RNF175: variants seen among roughly 807,000 people sequenced by gnomAD.
RNF175 encodes ring finger protein 175.
RNF175 carries 38 observed loss-of-function variants against 50.0 expected under a neutral mutation model. The observed-to-expected ratio is 0.76, with a 90% CI of 0.59 to 1.00. RNF175 has a LOEUF of 1.00. Among genes scored for constraint, RNF175 ranks in the 50% least tolerant of loss-of-function variants. The probability of loss-of-function intolerance (pLI) is 0.00; values close to 1 mark genes in which losing one functional copy is unlikely to be tolerated. For synonymous variants in RNF175, 155 were observed against 146.1 expected (o/e 1.06, Z -0.44); for missense variants, 388 against 409.6 (o/e 0.95, Z 0.46).
chr4:153,753,896 C>T lies in RNF175; in HGVS notation c.67-2421G>A, dbSNP rs529991441. Among the ~76,000 whole-genome samples, 529 of 150,444 alleles carry T rather than the reference C, an allele frequency of 3.5e-3. 4 individuals are homozygous for T. Among genetic ancestry groups the T allele is most frequent in the African/African-American group, 0.011 (465 of 41,108 alleles). On this transcript the variant is annotated intron_variant, in intron 1 of 8. Transcript: ENST00000347063. ...CTTAAGAAAATATTTTGAGGCTGGG[C>T]GTGGTGGCTCACACCTGTAATCCCA...
intron 3 of RNF175, among the ~76,000 whole-genome samples, chr4:153,742,681 T>G (rs1298843269): frequency 2.0e-5 from 3 of 152,174 alleles, no homozygotes; most frequent in African/African-American, 7.2e-5. Flanking sequence ...GCCAAGGTTT[T>G]TAATTTCTCT....
At chr4:153,730,854 T>C (rs1319871640) in intron 3 of RNF175, among the ~76,000 whole-genome samples, 1 of 152,234 alleles carries the variant, frequency 6.6e-6, no homozygotes, top group Non-Finnish European at 1.5e-5. Context: ...TATATTTTAA[T>C]AAAACCAGTT....
chr4:153,714,603 T>C (rs376755164), intron 7 of RNF175: 30 of 152,276 alleles, frequency 2.0e-4, no homozygotes, highest in African/African-American at 6.5e-4. Flanking sequence ...TACTATAAAA[T>C]AAAGATAAAT....
chr4:153,751,639 A>C (rs1398173160), intron 1 of RNF175, among the ~76,000 whole-genome samples, 164 bp from the exon 2 acceptor site: 1 of 152,266 alleles, frequency 6.6e-6, no homozygotes, highest in Non-Finnish European at 1.5e-5. Flanking sequence ...TTACAGAACT[A>C]AAACAACACA....
chr4:153,719,985 A>C (rs1255583503), intron 6 of RNF175, among the ~76,000 whole-genome samples, 199 bp downstream of exon 6: 1 of 152,252 alleles, frequency 6.6e-6, no homozygotes, highest in Admixed American at 6.5e-5. Context: ...GTATTTTCCA[A>C]TTAATTAACA....
intron 2 of RNF175, 83 bp downstream of exon 2, chr4:153,751,355 G>A: frequency 1.0e-6 from 1 of 996,714 alleles, no homozygotes; most frequent in Non-Finnish European, 1.5e-6. Context: ...CAAATAAAAT[G>A]ATGACTTCAT....
chr4:153,722,612 AT>A (rs1470659182), intron 5 of RNF175, among the ~76,000 whole-genome samples: 8 of 152,058 alleles, frequency 5.3e-5, no homozygotes, highest in Non-Finnish European at 1.0e-4. Context: ...GCCTCTTACA[AT>A]TTCGAAGCAC....
intron 1 of RNF175, among the ~76,000 whole-genome samples, chr4:153,757,387 A>G (rs1353292071): frequency 6.6e-6 from 1 of 152,082 alleles, no homozygotes; most frequent in Non-Finnish European, 1.5e-5. Context: ...CTCTCACCTG[A>G]ACTGCTGCCT....
intron 2 of RNF175, among the ~76,000 whole-genome samples, chr4:153,749,963 T>C (rs1740199760): frequency 6.6e-6 from 1 of 152,146 alleles, no homozygotes; most frequent in Admixed American, 6.5e-5. Flanking sequence ...TCCTAGCAAA[T>C]TAATACAGAT....
chr4:153,732,693 T>C (rs1158267230), intron 3 of RNF175, among the ~76,000 whole-genome samples: 3 of 152,226 alleles, frequency 2.0e-5, no homozygotes, highest in African/African-American at 4.8e-5. Context: ...GGCACTCTTC[T>C]GTCTACTTGC....
intron 3 of RNF175, among the ~76,000 whole-genome samples, chr4:153,747,909 G>A (rs557551258): frequency 1.3e-3 from 199 of 152,364 alleles, no homozygotes; most frequent in African/African-American, 4.5e-3. Context: ...CTCATGGTCT[G>A]GAGGCTAGAA....
chr4:153,720,325 A>G, intron 5 of RNF175, 21 bp from the exon 6 acceptor site: 1 of 1,609,734 alleles, frequency 6.2e-7, no homozygotes, highest in Non-Finnish European at 8.5e-7. Context: ...CAACAGTATA[A>G]GGAAATAAGA....
intron 7 of RNF175, chr4:153,715,186 C>T: frequency 2.7e-6 from 1 of 369,894 alleles, no homozygotes; most frequent in Non-Finnish European, 5.2e-6. Flanking sequence ...TTTTTCTCAC[C>T]TCCAAACCCC....
Position 153,723,401 on chromosome 4 carries a change from C to G in RNF175, c.459G>C (p.Val153=). 1 of 1,608,578 alleles carries G rather than the reference C, an allele frequency of 6.2e-7. No homozygotes were observed. The highest frequency in any genetic ancestry group is 1.3e-5 in the African/African-American group (1 of 74,950). Residue 153 remains valine, a synonymous_variant, in exon 5 of 9, where the codon GTG becomes GTC. Coordinates refer to ENST00000347063, the MANE Select transcript of RNF175 (RefSeq NM_173662.4). ...TTGTAAACATGATCGCCAAGTAACCCACAACACCAAATGCATAGCTGAGTT... is the reference window on the plus strand; with the variant it reads ...TTGTAAACATGATCGCCAAGTAACCGACAACACCAAATGCATAGCTGAGTT... The part of the protein sequence containing the change: ...IYKLSYAFGV[V]GYLAIMFTMC...
chr4:153,714,740 G>T (rs1269643739), intron 7 of RNF175: 2 of 152,520 alleles, frequency 1.3e-5, no homozygotes, highest in Non-Finnish European at 2.9e-5. Flanking sequence ...TTTGTTCAGG[G>T]GTCTCGATGC....
chr4:153,748,624 G>A, intron 3 of RNF175, 21 bp downstream of exon 3: 3 of 1,557,110 alleles, frequency 1.9e-6, no homozygotes, highest in Non-Finnish European at 2.6e-6. Context: ...CAGGCTCCCA[G>A]CAGCCACGGG....
At chr4:153,751,143 A>G (rs1044105583) in intron 2 of RNF175, among the ~76,000 whole-genome samples, 4 of 152,252 alleles carry the variant, frequency 2.6e-5, no homozygotes, top group Non-Finnish European at 5.9e-5. Flanking sequence ...GGGCAATGGT[A>G]TAGGAACAAA....
intron 3 of RNF175, among the ~76,000 whole-genome samples, chr4:153,744,224 C>T (rs1012643031): frequency 6.6e-6 from 1 of 152,102 alleles, no homozygotes; most frequent in African/African-American, 2.4e-5. Context: ...GAGTTTCAGA[C>T]CAGCCTGGCC....
Position 153,728,334 on chromosome 4 carries a change from C to T in RNF175, c.274G>A (p.Val92Ile), listed in dbSNP as rs1738834177. Residue 92 changes from valine (V) to isoleucine (I), a missense_variant, in exon 4 of 9, where the codon GTC (valine) becomes ATC (isoleucine). Coordinates refer to ENST00000347063, the MANE Select transcript of RNF175 (RefSeq NM_173662.4). The stretch of plus-strand genomic sequence containing the variant: ...AATTTTATCGTGAAATATAAGGGGA[C>T]AACCCACATCTGCAACAAGGTCACC... Reference protein sequence around the residue: ...NLVTLLQMWVVPLYFTIKLYW... With the variant: ...NLVTLLQMWVIPLYFTIKLYW... The T allele has an allele frequency of 1.2e-6, 2 of 1,613,764 alleles. No homozygotes were observed. The highest frequency in any genetic ancestry group is 4.5e-5 in the East Asian group (2 of 44,876).
Sources: allele counts gnomAD v4.1 joint callset (sites outside exome capture counted in the v4.1 genomes callset), GRCh38; gene constraint gnomAD v4.1.1; transcripts MANE v1.5; gene names NCBI Gene and HGNC (gene_info 2026-07-23, HGNC 2026-07-21).